ACOT1: variants seen among roughly 807,000 people sequenced by gnomAD.
The protein encoded by ACOT1 is acyl-coenzyme A thioesterase 1.
Under a neutral mutation model 15.7 loss-of-function variants are expected in ACOT1, and 8 were observed. That is an observed-to-expected ratio of 0.51 (90% confidence interval 0.30 to 0.92). The LOEUF is 0.92. Ranked by LOEUF, ACOT1 falls within the 40% of genes least tolerant of loss-of-function variation. The pLI, the probability that ACOT1 is intolerant of heterozygous loss-of-function variation, is 0.06. For synonymous variants in ACOT1, 67 were observed against 241.2 expected, an observed-to-expected ratio of 0.28 and a Z score of 6.69; for missense variants, 151 against 539.4, an observed-to-expected ratio of 0.28 and a Z score of 7.13.
At chr14:73,523,098 G>C in the ACOT1 span, 1 of 1,610,790 alleles carries the variant, frequency 6.2e-7, no homozygotes, top group South Asian at 1.1e-5. Context: ...CGTGGGGGCA[G>C]TGACTGATAG....
chr14:73,522,590 C>G, the ACOT1 span: 8 of 1,614,234 alleles, frequency 5.0e-6, no homozygotes, highest in East Asian at 1.8e-4. Flanking sequence ...CCAGGCTTCT[C>G]TTTCCTCCAG....
chr14:73,506,802 C>CTTTTTTTTT, the ACOT1 span, among the ~76,000 whole-genome samples: 5 of 58,016 alleles, frequency 8.6e-5, no homozygotes, highest in African/African-American at 3.1e-4. Context: ...CTGACTTTAA[C>CTTTTTTTTT]TGTTTTTTTT....
chr14:73,515,292 T>C, the ACOT1 span, among the ~76,000 whole-genome samples: 1 of 152,186 alleles, frequency 6.6e-6, no homozygotes, highest in Non-Finnish European at 1.5e-5. Flanking sequence ...TTTTCCAAGA[T>C]TTCATTCTGA....
At chr14:73,534,983 T>A (rs1888816341), upstream of ACOT1, among the ~76,000 whole-genome samples, 2 of 113,308 alleles carry the variant, frequency 1.8e-5, 1 homozygote, top group Non-Finnish European at 3.8e-5. Flanking sequence ...TTAAAAAATA[T>A]GTTAATATCT....
chr14:73,524,310 A>AAAAAAAAAAAAAAAAATATATATATATAT, the ACOT1 span, among the ~76,000 whole-genome samples: 1 of 54,790 alleles, frequency 1.8e-5, no homozygotes, highest in Non-Finnish European at 3.1e-5. Flanking sequence ...AAAAAAAAAA[A>AAAAAAAAAAAAAAAAATATATATATATAT]ATATATATAT....
the ACOT1 span, among the ~76,000 whole-genome samples, chr14:73,511,569 TA>T: frequency 1.7e-4 from 24 of 143,646 alleles, no homozygotes; most frequent in African/African-American, 5.8e-4. Context: ...ATAAATAAAA[TA>T]AAATAAAAAA....
chr14:73,503,442 G>A, the ACOT1 span, among the ~76,000 whole-genome samples: 7 of 152,186 alleles, frequency 4.6e-5, no homozygotes, highest in Non-Finnish European at 1.0e-4. Flanking sequence ...AACCAGAACA[G>A]TTGGTCACTC....
At chr14:73,498,875 A>G in the ACOT1 span, among the ~76,000 whole-genome samples, 1,343 of 152,348 alleles carry the variant, frequency 8.8e-3, 11 homozygotes, top group Middle Eastern at 0.041. Context: ...TAAGTTTGAC[A>G]TATACCTAGA....
At chr14:73,526,972 C>G in the ACOT1 span, among the ~76,000 whole-genome samples, 1 of 152,096 alleles carries the variant, frequency 6.6e-6, no homozygotes, top group Non-Finnish European at 1.5e-5. Context: ...AGAGAAGAGA[C>G]AAAGTGAGAG....
At chr14:73,500,819 G>A in the ACOT1 span, 9 of 1,227,820 alleles carry the variant, frequency 7.3e-6, no homozygotes, top group Middle Eastern at 2.1e-4. Flanking sequence ...GATAAAATCC[G>A]GGTTCTGTAG....
the ACOT1 span, chr14:73,492,577 A>G: frequency 6.2e-7 from 1 of 1,613,920 alleles, no homozygotes; most frequent in Non-Finnish European, 8.5e-7. The surrounding 1 kb of genome is among the most constrained non-coding windows in gnomAD (Gnocchi z 4.9). Flanking sequence ...GGGAGAGGGC[A>G]CTAAGTGTTT....
At chr14:73,528,716 CAT>C in the ACOT1 span, among the ~76,000 whole-genome samples, 4 of 152,160 alleles carry the variant, frequency 2.6e-5, no homozygotes, top group Non-Finnish European at 4.4e-5. Context: ...AAATCAGAAA[CAT>C]GTATGAAAGT....
rs550877531 is a variant in ACOT1, at chr14:73,540,105, A to G, written c.458-1388A>G. 4.0e-4 allele frequency among the ~76,000 whole-genome samples: 48 copies of G among 121,484 alleles called. 1 individual carries two copies. The highest frequency in any genetic ancestry group is 2.3e-3 in the South Asian group (9 of 3,898). 79.7% of individuals were successfully genotyped at this position (121,484 alleles called of 152,430 possible). A position where few individuals can be genotyped will look rare whatever the true frequency, so the allele number is the denominator to read the frequency against. Reference sequence around the variant, plus strand: ...CCACTTTTAGAAGCTAGCATTATCAATTGCTGACCAGTATGTGGAGGAAAT... The same window carrying G: ...CCACTTTTAGAAGCTAGCATTATCAGTTGCTGACCAGTATGTGGAGGAAAT... On this transcript the variant is annotated intron_variant, in intron 1 of 2. Transcript: ENST00000311148.
chr14:73,491,143 G>C, the ACOT1 span: 1 of 1,608,000 alleles, frequency 6.2e-7, no homozygotes, highest in Non-Finnish European at 8.5e-7. Flanking sequence ...TACGAAAGCA[G>C]CTGCGAAGTG....
chr14:73,536,882 G>A (rs547821808), upstream of ACOT1, among the ~76,000 whole-genome samples: 1 of 115,006 alleles, frequency 8.7e-6, no homozygotes, highest in African/African-American at 2.8e-5. Context: ...TTAGTAATGA[G>A]TGTGAATTAT....
At chr14:73,515,601 A>G in the ACOT1 span, among the ~76,000 whole-genome samples, 1 of 149,466 alleles carries the variant, frequency 6.7e-6, no homozygotes, top group Admixed American at 6.8e-5. Context: ...AATCACTTGA[A>G]CTGGGGAGGC....
At position 73,538,493 on chromosome 14, in the gene ACOT1, G is replaced by T. The variant is rs1311870322; in HGVS notation, c.457+615G>T. On this transcript the variant is annotated intron_variant, in intron 1 of 2. Transcript: ENST00000311148. ...CCGGGCGTGGTAGCGGGCGCCTGTC[G>T]TCCCAGCTACTCGGGACGCTGAGGC... Among the ~76,000 whole-genome samples, 3 of 110,704 alleles carry T rather than the reference G, an allele frequency of 2.7e-5. 1 individual carries two copies. The highest frequency in any genetic ancestry group is 8.9e-5 in the African/African-American group (3 of 33,672). The allele number at this position is 110,704 out of a possible 152,430, so 72.6% of individuals were successfully genotyped here.
chr14:73,521,145 T>G, the ACOT1 span: 3 of 954,270 alleles, frequency 3.1e-6, no homozygotes, highest in Admixed American at 4.3e-5. Flanking sequence ...GCTCAGCTCC[T>G]ATACACGTGA....
At chr14:73,492,615 G>C in the ACOT1 span, 1 of 1,613,938 alleles carries the variant, frequency 6.2e-7, no homozygotes, top group Non-Finnish European at 8.5e-7. The surrounding 1 kb of genome is among the most constrained non-coding windows in gnomAD (Gnocchi z 4.9). Flanking sequence ...TGGGAGGCTG[G>C]AGAACCTGTA....
Sources: gnomAD v4.1 joint callset for allele counts (sites outside exome capture counted in the v4.1 genomes callset) on GRCh38, gnomAD v4.1.1 for gene constraint, Gnocchi (gnomAD v3.1) non-coding constraint, MANE v1.5 for transcripts, NCBI Gene and HGNC (gene_info 2026-07-23, HGNC 2026-07-21) for gene names.